The following ROBO2 variants were observed in gnomAD, a reference collection of about 807,000 sequenced individuals.
The protein encoded by ROBO2 is roundabout homolog 2.
Under a neutral mutation model 160.8 loss-of-function variants are expected in ROBO2, and 53 were observed. The ratio of observed to expected loss-of-function variants is 0.33; its 90% CI spans 0.26 to 0.41. The LOEUF is 0.41. ROBO2 is among the 10% of genes least tolerant of loss of function. The pLI, the probability that ROBO2 is intolerant of heterozygous loss-of-function variation, is 1.00. For synonymous variants in ROBO2, 664 were observed against 611.7 expected, an observed-to-expected ratio of 1.09 and a Z score of -1.26; for missense variants, 1,577 against 1,722.4, an observed-to-expected ratio of 0.92 and a Z score of 1.49.
intron 2 of ROBO2, among the ~76,000 whole-genome samples, chr3:76,904,632 C>T (rs915701232): frequency 2.0e-5 from 3 of 152,104 alleles, no homozygotes; most frequent in Non-Finnish European, 2.9e-5. Flanking sequence ...TTCTCCATCC[C>T]GTGGCTCAGA....
At chr3:77,389,076 C>T (rs2074432890) in intron 2 of ROBO2, among the ~76,000 whole-genome samples, 1 of 152,154 alleles carries the variant, frequency 6.6e-6, no homozygotes, top group South Asian at 2.1e-4. Context: ...TCCCGAGTAG[C>T]TGGGATTACA....
chr3:76,538,172 C>A (rs2082617772), intron 2 of ROBO2, among the ~76,000 whole-genome samples: 1 of 151,900 alleles, frequency 6.6e-6, no homozygotes, highest in African/African-American at 2.4e-5. Context: ...CACACACACA[C>A]ACACACACAC....
chr3:77,110,240 A>G (rs1477646714), intron 2 of ROBO2, among the ~76,000 whole-genome samples: 1 of 152,162 alleles, frequency 6.6e-6, no homozygotes, highest in Non-Finnish European at 1.5e-5. Flanking sequence ...TGAATATCCA[A>G]AGATAACTTG....
At chr3:77,259,643 T>C (rs899682038) in intron 2 of ROBO2, among the ~76,000 whole-genome samples, 4 of 152,142 alleles carry the variant, frequency 2.6e-5, no homozygotes, top group African/African-American at 7.2e-5. Context: ...CTTAGACAAA[T>C]AAACCCTTAT....
intron 2 of ROBO2, among the ~76,000 whole-genome samples, chr3:75,960,612 T>A (rs1409555525): frequency 6.6e-6 from 1 of 151,852 alleles, no homozygotes; most frequent in Admixed American, 6.6e-5. Flanking sequence ...CCAATGGATC[T>A]TGAAATGTGG....
intron 2 of ROBO2, among the ~76,000 whole-genome samples, chr3:76,787,710 C>G (rs2063083285): frequency 1.3e-5 from 2 of 151,348 alleles, no homozygotes; most frequent in Non-Finnish European, 3.0e-5. Flanking sequence ...AGCGATCAAG[C>G]TAGAGATTTG....
chr3:77,471,061 A>G (rs752214173), intron 2 of ROBO2, among the ~76,000 whole-genome samples: 1 of 152,188 alleles, frequency 6.6e-6, no homozygotes, highest in Non-Finnish European at 1.5e-5. Context: ...CAATTCTTTT[A>G]TCAGTAACAT....
At chr3:76,175,720 G>A (rs1272150109) in intron 2 of ROBO2, among the ~76,000 whole-genome samples, 1 of 152,026 alleles carries the variant, frequency 6.6e-6, no homozygotes, top group East Asian at 1.9e-4. Context: ...AGGAACAATT[G>A]CATGGAAGAA....
At chr3:77,217,854 C>G (rs1052123577) in intron 2 of ROBO2, among the ~76,000 whole-genome samples, 1 of 152,112 alleles carries the variant, frequency 6.6e-6, no homozygotes, top group African/African-American at 2.4e-5. Flanking sequence ...CTAGACTAAA[C>G]TGTTATTTCA....
At chr3:76,812,677 T>A (rs1469286243) in intron 2 of ROBO2, among the ~76,000 whole-genome samples, 1 of 151,896 alleles carries the variant, frequency 6.6e-6, no homozygotes, top group Admixed American at 6.6e-5. Flanking sequence ...AGTTCTCAAA[T>A]AAAAAACTTA....
At chr3:77,499,651 CTTTT>C (rs548250821) in intron 5 of ROBO2, among the ~76,000 whole-genome samples, 4 of 135,876 alleles carry the variant, frequency 2.9e-5, no homozygotes, top group Admixed American at 7.4e-5. Flanking sequence ...ATCACTTACG[CTTTT>C]TTTTTTTTTT....
intron 2 of ROBO2, among the ~76,000 whole-genome samples, chr3:76,542,057 T>A (rs944184530): frequency 6.6e-6 from 1 of 152,168 alleles, no homozygotes; most frequent in African/African-American, 2.4e-5. Flanking sequence ...CAGTACTTCA[T>A]CCCCATTTGT....
chr3:77,258,166 T>C (rs935474465), intron 2 of ROBO2, among the ~76,000 whole-genome samples: 1 of 152,204 alleles, frequency 6.6e-6, no homozygotes, highest in African/African-American at 2.4e-5. Context: ...GAAAAATGTG[T>C]ATAAGAGATT....
At chr3:76,749,460 C>G (rs1576402034) in intron 2 of ROBO2, among the ~76,000 whole-genome samples, 1 of 151,816 alleles carries the variant, frequency 6.6e-6, no homozygotes. Context: ...AGAGAGCTTT[C>G]CTTGCTGTTC....
intron 2 of ROBO2, among the ~76,000 whole-genome samples, chr3:76,088,261 A>T (rs1164521486): frequency 6.6e-6 from 1 of 152,102 alleles, no homozygotes; most frequent in Non-Finnish European, 1.5e-5. Context: ...AAATTACGTA[A>T]ATCTACTCTT....
At chr3:76,158,731 T>G (rs993501128) in intron 2 of ROBO2, among the ~76,000 whole-genome samples, 20 of 152,106 alleles carry the variant, frequency 1.3e-4, no homozygotes, top group African/African-American at 4.6e-4. Flanking sequence ...GGTGGCAGTT[T>G]GGTGAGAAAG....
At chr3:76,223,043 C>T (rs1452548711) in intron 2 of ROBO2, among the ~76,000 whole-genome samples, 1 of 151,862 alleles carries the variant, frequency 6.6e-6, no homozygotes, top group Non-Finnish European at 1.5e-5. Flanking sequence ...GCATGCGCCA[C>T]CGCACGCAGC....
chr3:77,145,168 G>A (rs2077024388), intron 2 of ROBO2, among the ~76,000 whole-genome samples: 1 of 152,130 alleles, frequency 6.6e-6, no homozygotes, highest in Non-Finnish European at 1.5e-5. Context: ...TAGTTTAGCT[G>A]GGTGTGCATG....
At chr3:77,193,520 G>A (rs1453300091) in intron 2 of ROBO2, among the ~76,000 whole-genome samples, 1 of 150,204 alleles carries the variant, frequency 6.7e-6, no homozygotes, top group Non-Finnish European at 1.5e-5. Context: ...CTAACCTCAA[G>A]TGATTCCAAC....
Sources: allele counts gnomAD v4.1 joint callset (sites outside exome capture counted in the v4.1 genomes callset), GRCh38; gene constraint gnomAD v4.1.1; transcripts MANE v1.5; gene names NCBI Gene and HGNC (gene_info 2026-07-23, HGNC 2026-07-21).